The following ASIC2 variants were observed in gnomAD, a reference collection of about 807,000 sequenced individuals.
ASIC2 encodes acid-sensing ion channel 2.
In ASIC2, 25 loss-of-function variants were observed where a neutral mutation model predicts 57.3. That is an observed-to-expected ratio of 0.44 (90% CI 0.32 to 0.61). The LOEUF (loss-of-function observed/expected upper bound fraction) is 0.61. ASIC2 is among the 20% of genes least tolerant of loss of function. ASIC2 has a pLI of 0.06. For missense variants in ASIC2, 641 were observed against 738.1 expected (o/e 0.87, Z 1.52); for synonymous variants, 319 against 307.5 (o/e 1.04, Z -0.39).
At chr17:33,640,394 GT>G (rs1906522044) in intron 1 of ASIC2, among the ~76,000 whole-genome samples, 2 of 152,186 alleles carry the variant, frequency 1.3e-5, no homozygotes, top group Non-Finnish European at 2.9e-5. Context: ...ATCGAAACAT[GT>G]TTAATCATTG....
intron 1 of ASIC2, among the ~76,000 whole-genome samples, chr17:33,385,792 T>C (rs1909653738): frequency 6.6e-6 from 1 of 151,970 alleles, no homozygotes; most frequent in African/African-American, 2.4e-5. Context: ...AACTCTGCAG[T>C]TTGTGTCTGC....
At chr17:34,032,733 C>G (rs1907671889) in intron 1 of ASIC2, among the ~76,000 whole-genome samples, 1 of 152,122 alleles carries the variant, frequency 6.6e-6, no homozygotes, top group African/African-American at 2.4e-5. Context: ...ATAAAACAGA[C>G]TTTAAACCAA....
At chr17:34,066,850 C>T (rs968136017) in intron 1 of ASIC2, among the ~76,000 whole-genome samples, 4 of 152,154 alleles carry the variant, frequency 2.6e-5, no homozygotes, top group Non-Finnish European at 4.4e-5. Flanking sequence ...CAGAGAAGGT[C>T]AGCAAGACCA....
intron 1 of ASIC2, among the ~76,000 whole-genome samples, chr17:33,472,875 G>T (rs749922969): frequency 2.0e-4 from 31 of 152,152 alleles, no homozygotes; most frequent in Non-Finnish European, 3.5e-4. Context: ...CCCTAATCTT[G>T]ACTTCTAATC....
chr17:33,165,610 A>C (rs1480877352), intron 1 of ASIC2, among the ~76,000 whole-genome samples: 2 of 152,132 alleles, frequency 1.3e-5, no homozygotes. Context: ...CAAATAAGCC[A>C]AAAAAGCCTT....
chr17:33,589,314 C>T (rs1397475503), intron 1 of ASIC2, among the ~76,000 whole-genome samples: 1 of 152,118 alleles, frequency 6.6e-6, no homozygotes, highest in East Asian at 1.9e-4. Flanking sequence ...AGGCCATGAG[C>T]CCCCTGAACT....
chr17:33,882,453 T>C (rs1012503707), intron 1 of ASIC2, among the ~76,000 whole-genome samples: 22 of 152,226 alleles, frequency 1.4e-4, no homozygotes, highest in African/African-American at 3.1e-4. Flanking sequence ...GGGCGAAGGA[T>C]ATGAACAGAC....
intron 1 of ASIC2, among the ~76,000 whole-genome samples, chr17:33,746,125 G>A (rs1389967972): frequency 6.6e-6 from 1 of 151,444 alleles, no homozygotes; most frequent in Non-Finnish European, 1.5e-5. Context: ...TTCTGGAGTT[G>A]AAAACCAAAT....
intron 1 of ASIC2, among the ~76,000 whole-genome samples, chr17:33,298,562 G>A (rs553311148): frequency 1.3e-5 from 2 of 152,258 alleles, no homozygotes; most frequent in African/African-American, 4.8e-5. Context: ...AAACATACGT[G>A]TGCATGTGTC....
intron 1 of ASIC2, among the ~76,000 whole-genome samples, chr17:33,715,505 T>C (rs1428915717): frequency 1.3e-5 from 2 of 152,168 alleles, no homozygotes; most frequent in Admixed American, 1.3e-4. Context: ...ATCCTAGTTT[T>C]AATTGAGTTG....
At chr17:33,957,826 C>T (rs899976822) in intron 1 of ASIC2, among the ~76,000 whole-genome samples, 4 of 152,170 alleles carry the variant, frequency 2.6e-5, no homozygotes, top group African/African-American at 9.7e-5. Flanking sequence ...CTTATTTCAG[C>T]ATTAACTCAG....
chr17:33,248,161 T>A (rs1908757102), intron 1 of ASIC2, among the ~76,000 whole-genome samples: 1 of 151,966 alleles, frequency 6.6e-6, no homozygotes, highest in African/African-American at 2.4e-5. Flanking sequence ...GACTGCAAAG[T>A]GGTGAAGGAG....
chr17:34,135,743 A>G (rs1195051434), intron 1 of ASIC2, among the ~76,000 whole-genome samples: 1 of 152,214 alleles, frequency 6.6e-6, no homozygotes, highest in African/African-American at 2.4e-5. Flanking sequence ...TATGATTAAA[A>G]GGTGAAATAT....
intron 1 of ASIC2, among the ~76,000 whole-genome samples, chr17:33,474,208 A>G (rs754939226): frequency 6.6e-6 from 1 of 152,088 alleles, no homozygotes; most frequent in Non-Finnish European, 1.5e-5. Flanking sequence ...CTCTACTAAA[A>G]ATACAAAAAT....
intron 1 of ASIC2, among the ~76,000 whole-genome samples, chr17:33,712,085 A>G (rs1909054360): frequency 6.6e-6 from 1 of 152,238 alleles, no homozygotes; most frequent in Non-Finnish European, 1.5e-5. Context: ...GAGTGAATAT[A>G]GGAAAACCTT....
chr17:33,712,676 T>C (rs980948105), intron 1 of ASIC2, among the ~76,000 whole-genome samples: 5 of 135,666 alleles, frequency 3.7e-5, no homozygotes, highest in African/African-American at 1.1e-4. Flanking sequence ...GACGGAGTCT[T>C]GCTCTGTCGC....
At chr17:33,525,781 G>A (rs1380876055) in intron 1 of ASIC2, among the ~76,000 whole-genome samples, 1 of 152,188 alleles carries the variant, frequency 6.6e-6, no homozygotes, top group East Asian at 1.9e-4. Context: ...AACATGGGTG[G>A]TGGCTGATGG....
chr17:33,522,630 G>T (rs1272936302), intron 1 of ASIC2, among the ~76,000 whole-genome samples: 5 of 152,172 alleles, frequency 3.3e-5, no homozygotes, highest in African/African-American at 7.2e-5. Context: ...TCCCTCACAG[G>T]ACTCAGTGAC....
intron 1 of ASIC2, among the ~76,000 whole-genome samples, chr17:33,590,649 A>T (rs1014317742): frequency 6.7e-6 from 1 of 149,312 alleles, no homozygotes; most frequent in African/African-American, 2.5e-5. Flanking sequence ...ATCTCTACAC[A>T]ACACCTCAAT....
Sources: gnomAD v4.1 joint callset for allele counts (sites outside exome capture counted in the v4.1 genomes callset) on GRCh38, gnomAD v4.1.1 for gene constraint, MANE v1.5 for transcripts, NCBI Gene and HGNC (gene_info 2026-07-23, HGNC 2026-07-21) for gene names.